SLC24A4: variants seen among roughly 807,000 people sequenced by gnomAD.
SLC24A4 encodes solute carrier family 24 member 4.
In SLC24A4, 53 loss-of-function variants were observed where a neutral mutation model predicts 79.0. The ratio of observed to expected loss-of-function variants is 0.67; its 90% CI spans 0.54 to 0.84. SLC24A4 has a LOEUF of 0.84. Among genes scored for constraint, SLC24A4 ranks in the 40% least tolerant of loss-of-function variants. The probability of loss-of-function intolerance (pLI) is 0.00; values close to 1 mark genes in which losing one functional copy is unlikely to be tolerated. For missense variants in SLC24A4, 731 were observed against 822.0 expected (o/e 0.89, Z 1.35); for synonymous variants, 323 against 323.8 (o/e 1.00, Z 0.03).
At chr14:92,370,336 A>C (rs896983246) in intron 2 of SLC24A4, among the ~76,000 whole-genome samples, 3 of 152,122 alleles carry the variant, frequency 2.0e-5, no homozygotes, top group African/African-American at 7.2e-5. Context: ...GCCTCTGTGG[A>C]TTTCACTTTC....
At position 92,454,071 on chromosome 14, in the gene SLC24A4, T is replaced by A. The variant is rs1461082643; in HGVS notation, c.1050+2T>A. On this transcript the variant is annotated splice_donor_variant, in intron 11 of 16. Coordinates refer to ENST00000532405, the MANE Select transcript of SLC24A4 (RefSeq NM_153646.4). LOFTEE classifies it high-confidence loss of function. ...GCCAGCAGGATCATCATTAATGAGG[T>A]GAGTTTGCTTGAAGGACCATAAAAG... 1 of 1,611,302 alleles carries A rather than the reference T, an allele frequency of 6.2e-7. No individual in the cohort carries two copies. Among genetic ancestry groups the A allele is most frequent in the Non-Finnish European group, 8.5e-7 (1 of 1,178,818 alleles).
chr14:92,443,741 T>G (rs1336417704), intron 7 of SLC24A4, among the ~76,000 whole-genome samples: 1 of 152,154 alleles, frequency 6.6e-6, no homozygotes, highest in African/African-American at 2.4e-5. Context: ...GAGAAACCAG[T>G]CAGAAATGGT....
chr14:92,407,034 T>C (rs903746067), intron 2 of SLC24A4, among the ~76,000 whole-genome samples: 1 of 152,232 alleles, frequency 6.6e-6, no homozygotes, highest in African/African-American at 2.4e-5. Context: ...TATGACTGTA[T>C]GCTCTTAGGG....
chr14:92,364,582 G>T (rs1887717713), intron 2 of SLC24A4, among the ~76,000 whole-genome samples: 1 of 152,214 alleles, frequency 6.6e-6, no homozygotes, highest in African/African-American at 2.4e-5. Context: ...GGAACACACA[G>T]CCCAGTGGAA....
chr14:92,324,170 G>A (rs1210799369), intron 1 of SLC24A4, among the ~76,000 whole-genome samples: 1 of 152,060 alleles, frequency 6.6e-6, no homozygotes, highest in Non-Finnish European at 1.5e-5. Context: ...GCTACGAGCG[G>A]CCCCTGGGGG....
chr14:92,464,347 T>C (rs1893976140), intron 12 of SLC24A4, among the ~76,000 whole-genome samples: 1 of 151,994 alleles, frequency 6.6e-6, no homozygotes, highest in African/African-American at 2.4e-5. Context: ...GCCCTGGAAA[T>C]CCACTCTGTG....
intron 2 of SLC24A4, among the ~76,000 whole-genome samples, chr14:92,388,592 T>C (rs1889297797): frequency 6.6e-6 from 1 of 152,234 alleles, no homozygotes; most frequent in African/African-American, 2.4e-5. Flanking sequence ...TGGGGTGGAC[T>C]CTGCAGCTGT....
At chr14:92,418,311 G>A (rs1020933429) in intron 2 of SLC24A4, among the ~76,000 whole-genome samples, 3 of 152,144 alleles carry the variant, frequency 2.0e-5, no homozygotes, top group East Asian at 1.9e-4. Flanking sequence ...TGAACTCTAC[G>A]TGCTCGTCCT....
chr14:92,459,166 G>A (rs1413805991), intron 12 of SLC24A4, among the ~76,000 whole-genome samples: 1 of 152,200 alleles, frequency 6.6e-6, no homozygotes, highest in Non-Finnish European at 1.5e-5. Flanking sequence ...CCTTACCTAA[G>A]CAAGTCAGCC....
intron 2 of SLC24A4, among the ~76,000 whole-genome samples, chr14:92,336,803 A>T (rs1032779159): frequency 6.6e-6 from 1 of 152,014 alleles, no homozygotes; most frequent in Non-Finnish European, 1.5e-5. Context: ...TCCCTGGAGC[A>T]GACCACGTCT....
intron 2 of SLC24A4, among the ~76,000 whole-genome samples, chr14:92,350,192 T>G (rs561302993): frequency 6.6e-6 from 1 of 152,332 alleles, no homozygotes; most frequent in East Asian, 1.9e-4. Flanking sequence ...CATGTGCGGT[T>G]AAGTTCTTTT....
chr14:92,492,132 T>C (rs747871457), intron 15 of SLC24A4, 43 bp from the exon 16 acceptor site: 8 of 1,586,578 alleles, frequency 5.0e-6, no homozygotes, highest in Non-Finnish European at 6.9e-6. Context: ...GGATTGGCTC[T>C]GAGCAGTCAA....
At position 92,441,037 on chromosome 14, in the gene SLC24A4, T is replaced by A. The variant is rs1357976497; in HGVS notation, c.394-1052T>A. Among the ~76,000 whole-genome samples the A allele has an allele frequency of 3.3e-5, 5 of 152,078 alleles. No individual in the cohort carries two copies. Among genetic ancestry groups the A allele is most frequent in the Non-Finnish European group, 5.9e-5 (4 of 68,000 alleles). On this transcript the variant is annotated intron_variant, in intron 4 of 16. Coordinates refer to ENST00000532405, the MANE Select transcript of SLC24A4 (RefSeq NM_153646.4). This position sits in a 1 kb window ranked among gnomAD's most constrained non-coding sequence, Gnocchi z 4.6. ...TTTGGCAGGGTTAAGGTGGCCGGCT[T>A]CTGCCCTGGAGATCGATGCTGTGCC...
intron 2 of SLC24A4, among the ~76,000 whole-genome samples, chr14:92,430,355 CG>C (rs1369536373): frequency 6.6e-6 from 1 of 152,212 alleles, no homozygotes; most frequent in Admixed American, 6.5e-5. Flanking sequence ...GATCCCTGAA[CG>C]GGCAGCACTA....
intron 2 of SLC24A4, among the ~76,000 whole-genome samples, chr14:92,343,589 T>C (rs1010271256): frequency 6.1e-5 from 5 of 82,420 alleles, no homozygotes; most frequent in South Asian, 9.1e-4. Flanking sequence ...GTTTTCTTTC[T>C]TTCTTTCTTT....
intron 2 of SLC24A4, among the ~76,000 whole-genome samples, chr14:92,367,834 A>T (rs914109216): frequency 1.3e-5 from 2 of 152,274 alleles, no homozygotes; most frequent in African/African-American, 4.8e-5. Context: ...TGGAGGGCAT[A>T]GCAGAGAAAG....
intron 2 of SLC24A4, among the ~76,000 whole-genome samples, chr14:92,359,965 C>A (rs77578629): frequency 0.17 from 25,207 of 152,254 alleles, 2,672 homozygotes; most frequent in African/African-American, 0.3. Context: ...TGTCACCAGG[C>A]TGGAGTGCAG....
intron 2 of SLC24A4, among the ~76,000 whole-genome samples, chr14:92,418,045 C>T (rs61977270): frequency 2.0e-5 from 3 of 152,214 alleles, no homozygotes; most frequent in Non-Finnish European, 2.9e-5. Flanking sequence ...CTGTTCCTTC[C>T]TTTCCAGGGA....
chr14:92,413,377 T>C (rs1454168207), intron 2 of SLC24A4, among the ~76,000 whole-genome samples: 2 of 152,112 alleles, frequency 1.3e-5, no homozygotes, highest in African/African-American at 4.8e-5. Context: ...GCCTAGAAAG[T>C]GTCTCTCTTT....
Sources: allele counts gnomAD v4.1 joint callset (sites outside exome capture counted in the v4.1 genomes callset), GRCh38; gene constraint gnomAD v4.1.1; non-coding constraint Gnocchi (gnomAD v3.1); transcripts MANE v1.5; gene names NCBI Gene and HGNC (gene_info 2026-07-23, HGNC 2026-07-21).